The following ASIC2 variants were observed in gnomAD, a reference collection of about 807,000 sequenced individuals.
ASIC2 encodes acid-sensing ion channel 2.
A neutral mutation model predicts 57.3 loss-of-function variants in ASIC2; 25 were observed. The ratio of observed to expected loss-of-function variants is 0.44; its 90% CI spans 0.32 to 0.61. The LOEUF is 0.61. Among genes scored for constraint, ASIC2 ranks in the 20% least tolerant of loss-of-function variants. The pLI is 0.06. For synonymous variants in ASIC2, 319 were observed against 307.5 expected (o/e 1.04, Z -0.39); for missense variants, 641 against 738.1 (o/e 0.87, Z 1.52).
intron 1 of ASIC2, among the ~76,000 whole-genome samples, chr17:33,727,261 T>A (rs1346017776): frequency 6.6e-6 from 1 of 152,192 alleles, no homozygotes; most frequent in Non-Finnish European, 1.5e-5. Flanking sequence ...CAAGTTGAAA[T>A]TTCTCAGCCT....
chr17:34,131,937 T>G (rs1250399154), intron 1 of ASIC2, among the ~76,000 whole-genome samples: 1 of 152,170 alleles, frequency 6.6e-6, no homozygotes, highest in African/African-American at 2.4e-5. Flanking sequence ...GGAACTCTGG[T>G]CTCTCTTGGG....
intron 1 of ASIC2, among the ~76,000 whole-genome samples, chr17:33,130,829 G>A (rs944925171): frequency 2.0e-5 from 3 of 152,184 alleles, no homozygotes; most frequent in South Asian, 2.1e-4. Context: ...CTAAGCCTGC[G>A]GAGAGGGGAG....
chr17:33,057,558 C>G (rs1025697307), intron 3 of ASIC2, among the ~76,000 whole-genome samples: 1 of 152,230 alleles, frequency 6.6e-6, no homozygotes, highest in African/African-American at 2.4e-5. Context: ...GTTGTGACGA[C>G]TGACTACCAA....
chr17:33,704,339 T>A (rs933280737), intron 1 of ASIC2, among the ~76,000 whole-genome samples: 36 of 152,302 alleles, frequency 2.4e-4, no homozygotes, highest in African/African-American at 7.5e-4. Context: ...ACGTGTGCAC[T>A]CAGAGAGCCA....
chr17:33,505,584 T>C (rs1422876109), intron 1 of ASIC2, among the ~76,000 whole-genome samples: 1 of 152,264 alleles, frequency 6.6e-6, no homozygotes. Context: ...ATCGGTAGCA[T>C]GAAGCACAGA....
At chr17:33,616,221 C>G (rs1388500562) in intron 1 of ASIC2, among the ~76,000 whole-genome samples, 2 of 129,472 alleles carry the variant, frequency 1.5e-5, no homozygotes, top group Non-Finnish European at 3.1e-5. Context: ...GAAATCAAGT[C>G]TTCTCCTTCT....
intron 1 of ASIC2, among the ~76,000 whole-genome samples, chr17:33,886,876 T>C (rs376730954): frequency 6.6e-6 from 1 of 151,992 alleles, no homozygotes; most frequent in Non-Finnish European, 1.5e-5. Flanking sequence ...AACAACACCC[T>C]CAAGTGATTT....
At chr17:34,134,389 T>A (rs1912073361) in intron 1 of ASIC2, among the ~76,000 whole-genome samples, 1 of 152,178 alleles carries the variant, frequency 6.6e-6, no homozygotes, top group Non-Finnish European at 1.5e-5. Flanking sequence ...AGCTGGACAG[T>A]CACCTTTAAC....
chr17:33,802,236 T>C (rs1242738209), intron 1 of ASIC2, among the ~76,000 whole-genome samples: 1 of 152,230 alleles, frequency 6.6e-6, no homozygotes, highest in Non-Finnish European at 1.5e-5. Flanking sequence ...GCCTAGTGTA[T>C]TCAGTACAGT....
chr17:34,019,789 A>G (rs1297750968), intron 1 of ASIC2, among the ~76,000 whole-genome samples: 1 of 152,136 alleles, frequency 6.6e-6, no homozygotes, highest in African/African-American at 2.4e-5. Context: ...CCAAAGTATG[A>G]CTGTATTTGT....
intron 1 of ASIC2, among the ~76,000 whole-genome samples, chr17:33,562,501 A>AT (rs1274062364): frequency 6.6e-6 from 1 of 152,174 alleles, no homozygotes; most frequent in Non-Finnish European, 1.5e-5. Context: ...GGACCGATGG[A>AT]TGTCATTGCT....
chr17:33,716,889 A>G (rs1209021611), intron 1 of ASIC2, among the ~76,000 whole-genome samples: 4 of 152,248 alleles, frequency 2.6e-5, no homozygotes, highest in Non-Finnish European at 5.9e-5. Context: ...CTAACAAGGC[A>G]CTTCAATATA....
At chr17:33,053,309 T>C (rs1477521101) in intron 3 of ASIC2, among the ~76,000 whole-genome samples, 1 of 152,196 alleles carries the variant, frequency 6.6e-6, no homozygotes, top group Non-Finnish European at 1.5e-5. Flanking sequence ...ACCTCTGATA[T>C]CTGTTGTATG....
intron 1 of ASIC2, among the ~76,000 whole-genome samples, chr17:33,840,704 G>A (rs1033402900): frequency 4.6e-5 from 7 of 151,974 alleles, no homozygotes; most frequent in Non-Finnish European, 8.8e-5. Context: ...GGAATTCATG[G>A]TCCTGTGTTG....
At chr17:33,526,465 C>T (rs960459022) in intron 1 of ASIC2, among the ~76,000 whole-genome samples, 1 of 152,344 alleles carries the variant, frequency 6.6e-6, no homozygotes, top group South Asian at 2.1e-4. Context: ...TCCCAATCTC[C>T]CAGCATGTCC....
intron 1 of ASIC2, among the ~76,000 whole-genome samples, chr17:34,085,047 T>C (rs1042564743): frequency 6.6e-6 from 1 of 152,230 alleles, no homozygotes; most frequent in African/African-American, 2.4e-5. Context: ...TCCTGCCTAA[T>C]TGCCGTGGCC....
chr17:33,423,510 G>C (rs759406564), intron 1 of ASIC2, among the ~76,000 whole-genome samples: 1 of 152,184 alleles, frequency 6.6e-6, no homozygotes, highest in Non-Finnish European at 1.5e-5. Flanking sequence ...GGAGCTTTTT[G>C]TGATCAACAT....
At chr17:33,160,808 CG>C (rs996512769) in intron 1 of ASIC2, among the ~76,000 whole-genome samples, 48 of 152,104 alleles carry the variant, frequency 3.2e-4, no homozygotes, top group Non-Finnish European at 5.3e-4. Flanking sequence ...CTGTTCATGG[CG>C]GGGGGAGAGG....
intron 1 of ASIC2, among the ~76,000 whole-genome samples, chr17:33,233,380 ACT>A (rs1475551620): frequency 6.6e-6 from 1 of 151,794 alleles, no homozygotes; most frequent in Non-Finnish European, 1.5e-5. Context: ...GCAGCAGAAA[ACT>A]CACACACTAC....
Sources: gnomAD v4.1 joint callset for allele counts (sites outside exome capture counted in the v4.1 genomes callset) on GRCh38, gnomAD v4.1.1 for gene constraint, MANE v1.5 for transcripts, NCBI Gene and HGNC (gene_info 2026-07-23, HGNC 2026-07-21) for gene names.